Variants in MEI4 observed in about 807,000 individuals in gnomAD.
The protein encoded by MEI4 is meiosis-specific protein MEI4.
Under a neutral mutation model 31.4 loss-of-function variants are expected in MEI4, and 27 were observed. The ratio of observed to expected loss-of-function variants is 0.86; its 90% CI spans 0.63 to 1.19. The LOEUF (loss-of-function observed/expected upper bound fraction) is 1.19, where lower values mean the gene tolerates loss of function less well. Ranked by LOEUF, MEI4 falls within the 50% of genes most tolerant of loss-of-function variation. MEI4 has a pLI of 0.00. For synonymous variants in MEI4, 122 were observed against 145.4 expected (o/e 0.84, Z 1.16); for missense variants, 329 against 398.9 (o/e 0.82, Z 1.49).
chr6:77,907,926 T>C (rs1766337435), intron 4 of MEI4, among the ~76,000 whole-genome samples: 1 of 152,144 alleles, frequency 6.6e-6, no homozygotes, highest in African/African-American at 2.4e-5. Flanking sequence ...TTCATTTGTC[T>C]TTTGGCTGCA....
intron 1 of MEI4, among the ~76,000 whole-genome samples, chr6:77,667,428 C>A (rs1768660331): frequency 6.6e-6 from 1 of 152,148 alleles, no homozygotes. Context: ...CCATATACTT[C>A]ATGAAACTTT....
At chr6:77,916,805 C>T (rs559378486) in intron 4 of MEI4, among the ~76,000 whole-genome samples, 47 of 151,118 alleles carry the variant, frequency 3.1e-4, no homozygotes, top group African/African-American at 1.1e-3. Context: ...TTTTAGGGTA[C>T]ATGTGCACAT....
chr6:77,918,797 A>G (rs1562039185), intron 4 of MEI4, among the ~76,000 whole-genome samples: 1 of 151,964 alleles, frequency 6.6e-6, no homozygotes, highest in Non-Finnish European at 1.5e-5. Context: ...CAGAACTTCC[A>G]ATACTATGTT....
At chr6:77,855,553 T>A (rs1770725896) in intron 4 of MEI4, among the ~76,000 whole-genome samples, 1 of 152,162 alleles carries the variant, frequency 6.6e-6, no homozygotes, top group South Asian at 2.1e-4. Context: ...TTTCCATGCT[T>A]TGCTAATGGG....
At chr6:77,887,249 T>G (rs1012568821) in intron 4 of MEI4, among the ~76,000 whole-genome samples, 5 of 151,942 alleles carry the variant, frequency 3.3e-5, no homozygotes, top group Non-Finnish European at 5.9e-5. Flanking sequence ...GTTTATTTTT[T>G]TTTTTACAAT....
chr6:77,768,722 A>G (rs1768236982), intron 3 of MEI4, among the ~76,000 whole-genome samples: 1 of 151,704 alleles, frequency 6.6e-6, no homozygotes, highest in African/African-American at 2.4e-5. Flanking sequence ...AAAATTACAG[A>G]CAGCAACAGG....
chr6:77,743,415 C>G (rs970937148), intron 2 of MEI4, among the ~76,000 whole-genome samples: 8 of 152,060 alleles, frequency 5.3e-5, no homozygotes, highest in African/African-American at 1.9e-4. Context: ...TAATTTGGCT[C>G]TCTGTTTGTC....
intron 1 of MEI4, among the ~76,000 whole-genome samples, chr6:77,673,776 A>G (rs1448859664): frequency 6.6e-6 from 1 of 152,208 alleles, no homozygotes; most frequent in Non-Finnish European, 1.5e-5. Context: ...GCCTTTCCTT[A>G]TCTGCTGAGT....
chr6:77,799,473 G>T (rs1437381985), intron 3 of MEI4, among the ~76,000 whole-genome samples: 1 of 151,994 alleles, frequency 6.6e-6, no homozygotes, highest in East Asian at 1.9e-4. Flanking sequence ...AGTTTCTTTT[G>T]CTGTGCAGAA....
At chr6:77,656,757 C>G (rs1399387084) in intron 1 of MEI4, among the ~76,000 whole-genome samples, 1 of 152,054 alleles carries the variant, frequency 6.6e-6, no homozygotes, top group Non-Finnish European at 1.5e-5. Flanking sequence ...TAATAATCCA[C>G]TCTTAATAAT....
intron 3 of MEI4, among the ~76,000 whole-genome samples, chr6:77,774,555 C>G (rs1768392373): frequency 1.3e-5 from 2 of 151,936 alleles, no homozygotes; most frequent in Non-Finnish European, 2.9e-5. Context: ...CATAGAAGGC[C>G]TAATGCAGGA....
intron 3 of MEI4, among the ~76,000 whole-genome samples, chr6:77,763,426 A>G (rs1768089079): frequency 6.6e-6 from 1 of 152,122 alleles, no homozygotes; most frequent in South Asian, 2.1e-4. Context: ...GTGTTTATTT[A>G]GAACCCCAGA....
chr6:77,694,898 A>C (rs1388137966), intron 2 of MEI4, among the ~76,000 whole-genome samples: 12 of 150,068 alleles, frequency 8.0e-5, no homozygotes, highest in African/African-American at 2.2e-4. Flanking sequence ...AAGTGTTCCT[A>C]TTTCTCCACA....
intron 3 of MEI4, among the ~76,000 whole-genome samples, chr6:77,782,602 G>T: frequency 6.6e-6 from 1 of 152,214 alleles, no homozygotes; most frequent in East Asian, 1.9e-4. Flanking sequence ...CTGAAAGAGG[G>T]AAGTCACATG....
At chr6:77,811,612 T>C (rs1769575233) in intron 3 of MEI4, among the ~76,000 whole-genome samples, 1 of 151,998 alleles carries the variant, frequency 6.6e-6, no homozygotes, top group Admixed American at 6.6e-5. Flanking sequence ...CCGTCTCTAC[T>C]AAAAATACAG....
intron 3 of MEI4, among the ~76,000 whole-genome samples, chr6:77,821,042 T>G (rs536189574): frequency 6.6e-6 from 1 of 152,256 alleles, no homozygotes; most frequent in African/African-American, 2.4e-5. Context: ...GATTTCTCTA[T>G]GTACATTTTC....
chr6:77,796,724 T>A (rs1769087489), intron 3 of MEI4, among the ~76,000 whole-genome samples: 1 of 152,190 alleles, frequency 6.6e-6, no homozygotes, highest in African/African-American at 2.4e-5. Context: ...AACATATCCC[T>A]AGTTTATGAA....
At chr6:77,730,017 C>A (rs1279132926) in intron 2 of MEI4, among the ~76,000 whole-genome samples, 1 of 151,902 alleles carries the variant, frequency 6.6e-6, no homozygotes, top group Non-Finnish European at 1.5e-5. Flanking sequence ...TGGCCAAGAG[C>A]TGAGGTCAAA....
chr6:77,754,823 A>T (rs991820297), intron 2 of MEI4, among the ~76,000 whole-genome samples: 3 of 151,866 alleles, frequency 2.0e-5, no homozygotes, highest in Non-Finnish European at 2.9e-5. Context: ...CCCTTATAAA[A>T]CCACCAGATC....
Sources: allele counts gnomAD v4.1 joint callset (sites outside exome capture counted in the v4.1 genomes callset), GRCh38; gene constraint gnomAD v4.1.1; transcripts MANE v1.5; gene names NCBI Gene and HGNC (gene_info 2026-07-23, HGNC 2026-07-21).